The following MRPL15 variants were observed in gnomAD, a reference collection of about 807,000 sequenced individuals.
MRPL15 encodes large ribosomal subunit protein uL15m.
MRPL15 carries 24 observed loss-of-function variants against 28.0 expected under a neutral mutation model. The ratio of observed to expected loss-of-function variants is 0.86; its 90% confidence interval spans 0.62 to 1.21. The LOEUF (loss-of-function observed/expected upper bound fraction) is 1.21, where lower values mean the gene tolerates loss of function less well. Among genes scored for constraint, MRPL15 ranks in the 50% most tolerant of loss-of-function variants. The probability of loss-of-function intolerance (pLI) is 0.00; values close to 1 mark genes in which losing one functional copy is unlikely to be tolerated. For missense variants in MRPL15, 343 were observed against 372.4 expected (o/e 0.92, Z 0.65); for synonymous variants, 124 against 137.0 (o/e 0.90, Z 0.66).
chr8:54,147,206 T>G (rs1456373816), intron 4 of MRPL15, among the ~76,000 whole-genome samples, 176 bp from the exon 5 acceptor site: 1 of 151,860 alleles, frequency 6.6e-6, no homozygotes, highest in Non-Finnish European at 1.5e-5. Context: ...TACTCCAGTC[T>G]GGGCAACAAG....
chr8:54,146,825 TCG>T (rs1288859347), intron 4 of MRPL15, among the ~76,000 whole-genome samples: 1 of 152,256 alleles, frequency 6.6e-6, no homozygotes, highest in Non-Finnish European at 1.5e-5. Context: ...AACATGTGTC[TCG>T]GGTCCTTTAA....
rs1586220877 is a variant in MRPL15, at chr8:54,147,802, A to G, written c.*83A>G. ...TATATTCCCTTATTGCATTTTCCTTATGTATAATTTTCCAGATGGTGATGT... is the reference window on the plus strand; with the variant it reads ...TATATTCCCTTATTGCATTTTCCTTGTGTATAATTTTCCAGATGGTGATGT... On this transcript the variant is annotated 3_prime_UTR_variant, in exon 5 of 5. Coordinates refer to ENST00000260102, the MANE Select transcript of MRPL15 (RefSeq NM_014175.4). 1 of 1,241,956 alleles carries G rather than the reference A, an allele frequency of 8.1e-7. No homozygotes were observed. Among genetic ancestry groups the G allele is most frequent in the East Asian group, 2.4e-5 (1 of 40,862 alleles). The allele number at this position is 1,241,956 out of a possible 1,614,324, so 76.9% of individuals were successfully genotyped here. A position where few individuals can be genotyped will look rare whatever the true frequency, so the allele number is the denominator to read the frequency against.
At position 54,137,435 on chromosome 8, in the gene MRPL15, T is replaced by A; in HGVS notation, c.429+2T>A. 1.9e-6 allele frequency: 3 copies of A among 1,613,288 alleles called. No homozygotes were observed. The highest frequency in any genetic ancestry group is 2.5e-6 in the Non-Finnish European group (3 of 1,179,798). On this transcript the variant is annotated splice_donor_variant, in intron 3 of 4. Transcript: ENST00000260102. LOFTEE classifies it high-confidence loss of function. Reference sequence around the variant, plus strand: ...TATGGTGTCCAGCTGGTTGAGGAGGTAAGTCTTGATTAGATCTTTTGGTGT... The same window carrying A: ...TATGGTGTCCAGCTGGTTGAGGAGGAAAGTCTTGATTAGATCTTTTGGTGT...
rs769742347 is a variant in MRPL15, at chr8:54,136,531, G to A, written c.129G>A (p.Arg43=). The A allele has an allele frequency of 2.5e-6, 4 of 1,613,892 alleles. No homozygotes were observed. Among genetic ancestry groups the A allele is most frequent in the Non-Finnish European group, 3.4e-6 (4 of 1,179,950 alleles). The part of the protein sequence containing the change: ...SKKPERRPRG[R]RRGRKCGRGH... Reference sequence around the variant, plus strand: ...TGCAGGAGAGAAGACCAAGAGGTCGGAGAAGAGGTAGAAAATGTGGCAGAG... The same window carrying A: ...TGCAGGAGAGAAGACCAAGAGGTCGAAGAAGAGGTAGAAAATGTGGCAGAG... The change falls in exon 2 of 5, where the codon CGG becomes CGA. Residue 43 remains arginine (R), a synonymous_variant. Coordinates refer to ENST00000260102, the MANE Select transcript of MRPL15 (RefSeq NM_014175.4).
At chr8:54,141,854 A>AT (rs11438921) in intron 3 of MRPL15, among the ~76,000 whole-genome samples, 8,490 of 139,976 alleles carry the variant, frequency 0.061, 320 homozygotes, top group African/African-American at 0.076. Context: ...TGTTGTATTG[A>AT]TTTTTTTTTT....
At chr8:54,147,130 G>T (rs1186984482) in intron 4 of MRPL15, among the ~76,000 whole-genome samples, 1 of 152,158 alleles carries the variant, frequency 6.6e-6, no homozygotes, top group Non-Finnish European at 1.5e-5. Context: ...TACTTGGGAG[G>T]CTGAGGCAGG....
At chr8:54,139,447 TA>T (rs1462487304) in intron 3 of MRPL15, among the ~76,000 whole-genome samples, 3 of 152,150 alleles carry the variant, frequency 2.0e-5, no homozygotes, top group African/African-American at 4.8e-5. Context: ...ACTTTCCAAA[TA>T]AAGTAATTTG....
rs1183270309 is a variant in MRPL15, at chr8:54,137,300, A to G, written c.296A>G (p.Asn99Ser). The change falls in exon 3 of 5, where the codon AAT becomes AGT. Residue 99 changes from asparagine (N) to serine (S), a missense_variant. Physicochemically the swap from Asn to Ser is conservative, Grantham distance 46 (BLOSUM62 1). Coordinates refer to ENST00000260102, the MANE Select transcript of MRPL15 (RefSeq NM_014175.4). ...CGCCAGTATAAGCCTTTGAGTCTCA[A>G]TAGACTGCAGTATCTTATTGATTTG... ...FRRQYKPLSLNRLQYLIDLGR... is the reference protein window; with the variant it reads ...FRRQYKPLSLSRLQYLIDLGR... 2 of 1,614,022 alleles carry G rather than the reference A, an allele frequency of 1.2e-6. No individual in the cohort carries two copies. Among genetic ancestry groups the G allele is most frequent in the Non-Finnish European group, 1.7e-6 (2 of 1,180,010 alleles).
chr8:54,142,703 A>C lies in MRPL15; in HGVS notation c.470A>C (p.Gln157Pro). Residue 157 changes from glutamine to proline, a missense_variant, in exon 4 of 5, where the codon CAG becomes CCG. Gln to Pro is a moderately conservative substitution (Grantham distance 76). Transcript: ENST00000260102. ...TFTAKVNIEVQLASELAIAAI... is the reference protein window; with the variant it reads ...TFTAKVNIEVPLASELAIAAI... ...ACGGCAAAAGTTAATATTGAAGTAC[A>C]GTTGGCTTCAGAACTAGCTATTGCT... The C allele has an allele frequency of 3.7e-6, 6 of 1,614,170 alleles. No homozygotes were observed. The highest frequency in any genetic ancestry group is 5.1e-6 in the Non-Finnish European group (6 of 1,180,026).
intron 4 of MRPL15, 131 bp downstream of exon 4, chr8:54,142,917 G>T: frequency 7.9e-7 from 1 of 1,271,552 alleles, no homozygotes; most frequent in Non-Finnish European, 1.1e-6. Flanking sequence ...CTACCATATG[G>T]ATTATTATGA....
chr8:54,141,233 T>C (rs1000425801), intron 3 of MRPL15, among the ~76,000 whole-genome samples: 1 of 152,242 alleles, frequency 6.6e-6, no homozygotes, highest in Non-Finnish European at 1.5e-5. Context: ...CCTTGGGCAA[T>C]GCAACCTCTG....
At chr8:54,141,584 T>G (rs1257870167) in intron 3 of MRPL15, among the ~76,000 whole-genome samples, 1 of 152,134 alleles carries the variant, frequency 6.6e-6, no homozygotes, top group Admixed American at 6.6e-5. Flanking sequence ...ATATTTAAAA[T>G]AGGAATTATA....
chr8:54,144,632 G>A, intron 4 of MRPL15, among the ~76,000 whole-genome samples: 1 of 152,080 alleles, frequency 6.6e-6, no homozygotes, highest in East Asian at 1.9e-4. Context: ...TTAGCGGGGT[G>A]TGGTGGCAGG....
At chr8:54,137,955 TTTTTTG>T (rs1358221726) in intron 3 of MRPL15, among the ~76,000 whole-genome samples, 1 of 152,032 alleles carries the variant, frequency 6.6e-6, no homozygotes, top group Non-Finnish European at 1.5e-5. Context: ...GCCTTCTTTT[TTTTTTG>T]TTTTTGTTTT....
At chr8:54,136,349 CAG>C (rs775867072) in intron 1 of MRPL15, among the ~76,000 whole-genome samples, 160 bp from the exon 2 acceptor site, 1 of 152,202 alleles carries the variant, frequency 6.6e-6, no homozygotes, top group Non-Finnish European at 1.5e-5. Context: ...AAGATGCTAA[CAG>C]AGTGTGTGGA....
At chr8:54,143,712 C>T (rs28524857) in intron 4 of MRPL15, among the ~76,000 whole-genome samples, 6,313 of 152,266 alleles carry the variant, frequency 0.041, 462 homozygotes, top group African/African-American at 0.15. Flanking sequence ...CCGTGCTGCT[C>T]CTGCAAGGCT....
chr8:54,144,010 G>A (rs374345522), intron 4 of MRPL15, among the ~76,000 whole-genome samples: 14 of 152,204 alleles, frequency 9.2e-5, no homozygotes, highest in African/African-American at 2.7e-4. Flanking sequence ...ACGCACACAC[G>A]CACAGTCACA....
intron 2 of MRPL15, 139 bp from the exon 3 acceptor site, chr8:54,137,129 C>G (rs894069653): frequency 1.2e-6 from 1 of 803,356 alleles, no homozygotes; most frequent in African/African-American, 1.7e-5. Flanking sequence ...AGCAGTATTA[C>G]ATGTTTGTGT....
At chr8:54,145,838 T>C (rs921665993) in intron 4 of MRPL15, among the ~76,000 whole-genome samples, 2 of 152,212 alleles carry the variant, frequency 1.3e-5, no homozygotes, top group African/African-American at 2.4e-5. Flanking sequence ...CACTATTTAC[T>C]TACCCTCTGT....
Sources: gnomAD v4.1 joint callset for allele counts (sites outside exome capture counted in the v4.1 genomes callset) on GRCh38, gnomAD v4.1.1 for gene constraint, MANE v1.5 for transcripts, NCBI Gene and HGNC (gene_info 2026-07-23, HGNC 2026-07-21) for gene names.